RPTOR: variants seen among roughly 807,000 people sequenced by gnomAD.
The protein encoded by RPTOR is regulatory-associated protein of mTOR.
A neutral mutation model predicts 169.9 loss-of-function variants in RPTOR; 21 were observed. That is an observed-to-expected ratio of 0.12 (90% CI 0.09 to 0.18). RPTOR has a LOEUF of 0.18. RPTOR is among the 10% of genes least tolerant of loss of function. The pLI is 1.00. For synonymous variants in RPTOR, 732 were observed against 753.2 expected, an observed-to-expected ratio of 0.97 and a Z score of 0.46; for missense variants, 1,133 against 1,855.9, an observed-to-expected ratio of 0.61 and a Z score of 7.16.
At position 80,651,298 on chromosome 17, in the gene RPTOR, A is replaced by G. The variant is rs756459006; in HGVS notation, c.348+7488A>G. Among the ~76,000 whole-genome samples, 2 of 152,222 alleles carry G rather than the reference A, an allele frequency of 1.3e-5. No homozygotes were observed. The highest frequency in any genetic ancestry group is 2.4e-5 in the African/African-American group (1 of 41,456). ...CACCGTATGCTCGCCATATGCAACT[A>G]GGAAGAGTTGTAAAATCCTGCTCCA... is the stretch of plus-strand genomic sequence containing the variant. On this transcript the variant is annotated intron_variant, in intron 3 of 33. Coordinates refer to ENST00000306801, the MANE Select transcript of RPTOR (RefSeq NM_020761.3). This position sits in a 1 kb window ranked among gnomAD's most constrained non-coding sequence, Gnocchi z 4.1.
chr17:80,827,154 A>C (rs990286536), intron 9 of RPTOR, among the ~76,000 whole-genome samples: 1 of 152,216 alleles, frequency 6.6e-6, no homozygotes, highest in African/African-American at 2.4e-5. Context: ...CCTCATTCAC[A>C]GATTACAGAC....
intron 7 of RPTOR, among the ~76,000 whole-genome samples, chr17:80,812,820 A>T (rs2143581066): frequency 6.6e-6 from 1 of 152,232 alleles, no homozygotes; most frequent in South Asian, 2.1e-4. Context: ...TGTTCTCAAA[A>T]CCCTAAACCT....
At chr17:80,551,394 G>C (rs959039518) in intron 1 of RPTOR, among the ~76,000 whole-genome samples, 1 of 152,262 alleles carries the variant, frequency 6.6e-6, no homozygotes, top group African/African-American at 2.4e-5. Flanking sequence ...GATCATTCGT[G>C]GGTGTTTCTC....
chr17:80,652,228 G>A (rs1188132518), intron 3 of RPTOR, among the ~76,000 whole-genome samples: 2 of 151,460 alleles, frequency 1.3e-5, no homozygotes, highest in Non-Finnish European at 2.9e-5. Flanking sequence ...GCAATCTTGT[G>A]CAACTGTCAT....
At chr17:80,771,780 T>C (rs1050863219) in intron 6 of RPTOR, among the ~76,000 whole-genome samples, 1 of 152,136 alleles carries the variant, frequency 6.6e-6, no homozygotes, top group Non-Finnish European at 1.5e-5. Context: ...GCCACCGCCA[T>C]GCCCAGCTCC....
intron 29 of RPTOR, among the ~76,000 whole-genome samples, chr17:80,958,680 T>C (rs1838592003): frequency 6.6e-6 from 1 of 152,206 alleles, no homozygotes; most frequent in Non-Finnish European, 1.5e-5. Context: ...CCCAAAGTGC[T>C]GGGATTACAG....
At chr17:80,636,275 A>G (rs1463581229) in intron 2 of RPTOR, among the ~76,000 whole-genome samples, 1 of 152,026 alleles carries the variant, frequency 6.6e-6, no homozygotes, top group African/African-American at 2.4e-5. Flanking sequence ...TTCTACCCCA[A>G]CATCACAACA....
intron 9 of RPTOR, among the ~76,000 whole-genome samples, chr17:80,830,465 G>C (rs756020584): frequency 2.3e-4 from 35 of 152,358 alleles, no homozygotes; most frequent in Admixed American, 4.6e-4. Context: ...CCAATTCTGA[G>C]TGCTGACAGT....
chr17:80,695,723 G>A lies in RPTOR; in HGVS notation c.349-12118G>A, dbSNP rs879500309. Among the ~76,000 whole-genome samples, 61 of 152,324 alleles carry A rather than the reference G, an allele frequency of 4.0e-4. No homozygotes were observed. Among genetic ancestry groups the A allele is most frequent in the South Asian group, 2.1e-4 (1 of 4,826 alleles). On this transcript the variant is annotated intron_variant, in intron 3 of 33. Transcript: ENST00000306801. The surrounding 1 kb of genome is among the most constrained non-coding windows in gnomAD (Gnocchi z 4.9). ...TTGTATTTATAGACTTCTTCCAAAG[G>A]TCACCTCTTTTATTTCTGAAAAACA...
At chr17:80,848,764 C>T (rs1168911281) in intron 11 of RPTOR, among the ~76,000 whole-genome samples, 1 of 152,230 alleles carries the variant, frequency 6.6e-6, no homozygotes, top group African/African-American at 2.4e-5. Context: ...ATGCCAAGCA[C>T]GTTAAATCCA....
At chr17:80,817,605 G>A (rs1180021165) in intron 7 of RPTOR, among the ~76,000 whole-genome samples, 1 of 152,136 alleles carries the variant, frequency 6.6e-6, no homozygotes. Context: ...GCAGAGTGAT[G>A]GGGCAAATGA....
chr17:80,907,030 C>T (rs746702955), intron 20 of RPTOR, among the ~76,000 whole-genome samples: 2 of 152,198 alleles, frequency 1.3e-5, no homozygotes, highest in Non-Finnish European at 2.9e-5. Context: ...TGGCCTCAGG[C>T]ATCTGCAGAA....
intron 5 of RPTOR, among the ~76,000 whole-genome samples, chr17:80,741,283 C>T (rs1242574500): frequency 6.6e-6 from 1 of 152,128 alleles, no homozygotes; most frequent in African/African-American, 2.4e-5. Context: ...GTGTGGGGGC[C>T]TTCCGAGTGG....
At chr17:80,612,316 A>T (rs1599601288) in intron 1 of RPTOR, among the ~76,000 whole-genome samples, 1 of 152,210 alleles carries the variant, frequency 6.6e-6, no homozygotes, top group African/African-American at 2.4e-5. Context: ...TTTTTTGTAG[A>T]GACAGGGTCT....
In RPTOR at chr17:80,965,532, T is replaced by C. The variant is rs2069416048; in HGVS notation, c.*1202T>C. ...ACCACAATGATGGTATTTTGAAAAG[T>C]GTTCTTTCCGTGTTCGTCGGGAATC... On this transcript the variant is annotated 3_prime_UTR_variant, in exon 34 of 34. Coordinates refer to ENST00000306801, the MANE Select transcript of RPTOR (RefSeq NM_020761.3). 1 of 233,228 alleles carries C rather than the reference T, an allele frequency of 4.3e-6. No individual in the cohort carries two copies. The highest frequency in any genetic ancestry group is 1.8e-4 in the South Asian group (1 of 5,534). 14.4% of individuals were successfully genotyped at this position (233,228 alleles called of 1,614,324 possible).
chr17:80,587,753 A>T (rs2065073292), intron 1 of RPTOR, among the ~76,000 whole-genome samples: 1 of 147,596 alleles, frequency 6.8e-6, no homozygotes, highest in Non-Finnish European at 1.5e-5. Context: ...CTTATTAACA[A>T]CCATCACCAC....
intron 1 of RPTOR, among the ~76,000 whole-genome samples, chr17:80,607,051 G>A (rs1341498568): frequency 1.3e-5 from 2 of 152,166 alleles, no homozygotes; most frequent in African/African-American, 4.8e-5. Flanking sequence ...CTTAGCAGCT[G>A]AGTGTGAGGT....
intron 20 of RPTOR, among the ~76,000 whole-genome samples, chr17:80,899,952 C>G (rs2068454492): frequency 1.3e-5 from 2 of 152,190 alleles, no homozygotes; most frequent in Non-Finnish European, 2.9e-5. Flanking sequence ...GGGATTCTCC[C>G]ACGGATTGGA....
intron 3 of RPTOR, among the ~76,000 whole-genome samples, chr17:80,681,563 GTTCTCT>G (rs1393651438): frequency 1.7e-3 from 255 of 151,618 alleles, no homozygotes; most frequent in African/African-American, 6.0e-3. Context: ...AACATTTCTA[GTTCTCT>G]TACACCTTCA....
Sources: gnomAD v4.1 joint callset for allele counts (sites outside exome capture counted in the v4.1 genomes callset) on GRCh38, gnomAD v4.1.1 for gene constraint, Gnocchi (gnomAD v3.1) non-coding constraint, MANE v1.5 for transcripts, NCBI Gene and HGNC (gene_info 2026-07-23, HGNC 2026-07-21) for gene names.